Variants in TRPV3 observed in about 807,000 individuals in gnomAD.
The protein encoded by TRPV3 is VRL-3.
A neutral mutation model predicts 87.1 loss-of-function variants in TRPV3; 88 were observed. The ratio of observed to expected loss-of-function variants is 1.01; its 90% CI spans 0.85 to 1.21. The LOEUF (loss-of-function observed/expected upper bound fraction) is 1.21, where lower values mean the gene tolerates loss of function less well. Among genes scored for constraint, TRPV3 ranks in the 50% most tolerant of loss-of-function variants. TRPV3 has a pLI of 0.00. For missense variants in TRPV3, 1,054 were observed against 1,030.1 expected (o/e 1.02, Z -0.32); for synonymous variants, 438 against 423.3 (o/e 1.03, Z -0.43).
At chr17:3,531,070 C>G (rs1290270015) in intron 8 of TRPV3, among the ~76,000 whole-genome samples, 1 of 142,374 alleles carries the variant, frequency 7.0e-6, no homozygotes, top group Non-Finnish European at 1.5e-5. Flanking sequence ...AAAAACAAAA[C>G]AAAACAAACA....
Position 3,513,897 on chromosome 17 carries a change from A to T in TRPV3, c.*20T>A. 1 of 1,606,316 alleles carries T rather than the reference A, an allele frequency of 6.2e-7. No homozygotes were observed. The highest frequency in any genetic ancestry group is 8.5e-7 in the Non-Finnish European group (1 of 1,173,102). Reference sequence around the variant, plus strand: ...GCAGCGCCAGACAGCGCACGCGCACACCAGCTCTGGGTTCCGCTTCTACAC... The same window carrying T: ...GCAGCGCCAGACAGCGCACGCGCACTCCAGCTCTGGGTTCCGCTTCTACAC... On this transcript the variant is annotated 3_prime_UTR_variant, in exon 18 of 18. Transcript: ENST00000576742.
rs1027660154 is a variant in TRPV3 at position 3,511,065 on chromosome 17, C to T, written c.*2852G>A. On this transcript the variant is annotated 3_prime_UTR_variant, in exon 18 of 18. Coordinates refer to ENST00000576742, the MANE Select transcript of TRPV3 (RefSeq NM_145068.4). The stretch of plus-strand genomic sequence containing the variant: ...ACTATCTGAACCTGGGAGACCCCAT[C>T]CCTGGAAAACACCTTCCCCTGAAAT... The T allele has an allele frequency of 6.6e-6, 1 of 152,256 alleles. No homozygotes were observed. Among genetic ancestry groups the T allele is most frequent in the African/African-American group, 2.4e-5 (1 of 41,466 alleles). The allele number at this position is 152,256 out of a possible 1,614,324, so 9.4% of individuals were successfully genotyped here. A position where few individuals can be genotyped will look rare whatever the true frequency, so the allele number is the denominator to read the frequency against.
At chr17:3,531,624 G>A (rs1166447205) in intron 8 of TRPV3, among the ~76,000 whole-genome samples, 1 of 152,150 alleles carries the variant, frequency 6.6e-6, no homozygotes, top group African/African-American at 2.4e-5. Flanking sequence ...CTGGGCTGGG[G>A]TGGCAGGGAC....
chr17:3,541,793 C>T (rs1381686339), intron 6 of TRPV3, among the ~76,000 whole-genome samples: 2 of 152,216 alleles, frequency 1.3e-5, no homozygotes, highest in Admixed American at 6.5e-5. Flanking sequence ...ATCATGTCGG[C>T]CTCAGGCCAA....
In TRPV3 at chr17:3,532,944, G is replaced by A. The variant is rs959797281; in HGVS notation, c.785-7C>T. ...AGGGCCAGGGGCGTCTCACCTGGGG[G>A]ATGAGCGCACTGAAGCTTGGTTCTC... On this transcript the variant is annotated splice_polypyrimidine_tract_variant and splice_region_variant and intron_variant, in intron 7 of 17. Coordinates refer to ENST00000576742, the MANE Select transcript of TRPV3 (RefSeq NM_145068.4). 4.6e-5 allele frequency: 74 copies of A among 1,613,128 alleles called. No homozygotes were observed. Among genetic ancestry groups the A allele is most frequent in the Non-Finnish European group, 6.2e-5 (73 of 1,179,684 alleles).
Position 3,555,098 on chromosome 17 carries a change from G to A in TRPV3, c.-2-246C>T, listed in dbSNP as rs1262860307. ...TAGGAGAGCCCAGCAGGGTGTCCCA[G>A]TAGAGACCACCATGCCCCTGTCCTC... On this transcript the variant is annotated intron_variant, in intron 1 of 17. Transcript: ENST00000576742. 2.0e-5 allele frequency among the ~76,000 whole-genome samples: 3 copies of A among 152,160 alleles called. No homozygotes were observed. In the South Asian group the frequency reaches 6.2e-4, roughly 32 times the overall value.
rs536565794 is a variant in TRPV3 at position 3,525,827 on chromosome 17, C to T, written c.1577+1027G>A. Among the ~76,000 whole-genome samples the T allele has an allele frequency of 1.1e-4, 17 of 152,142 alleles. No individual in the cohort carries two copies. The South Asian group carries it at 3.5e-3, about 32-fold the overall frequency. On this transcript the variant is annotated intron_variant, in intron 12 of 17. Coordinates refer to ENST00000576742, the MANE Select transcript of TRPV3 (RefSeq NM_145068.4). ...TGTAGAGAGAGGGGATTTCACCAGA[C>T]TGGTCTCAAACTCCTGACCTCAGAT...
chr17:3,528,392 G>A lies in TRPV3; in HGVS notation c.1402-266C>T, dbSNP rs4790145. Among the ~76,000 whole-genome samples, 93,781 of 151,962 alleles carry A rather than the reference G, an allele frequency of 0.62. 29,171 individuals are homozygous for A. Among genetic ancestry groups the A allele is most frequent in the East Asian group, 0.8 (4,114 of 5,158 alleles). ...CACACTCCATTGCAATAGCCTTTCC[G>A]GAACCCATCCATATCCAGGCACTCA... On this transcript the variant is annotated intron_variant, in intron 10 of 17. Transcript: ENST00000576742. This position sits in a 1 kb window ranked among gnomAD's most constrained non-coding sequence, Gnocchi z 4.2.
At position 3,542,533 on chromosome 17, in the gene TRPV3, T is replaced by C. The variant is rs548714611; in HGVS notation, c.632A>G (p.Glu211Gly). 1.2e-6 allele frequency: 2 copies of C among 1,613,812 alleles called. No individual in the cohort carries two copies. The highest frequency in any genetic ancestry group is 2.2e-5 in the South Asian group (2 of 91,044). ...TGCAGGCAGGATACCTTCATAGGCC[T>C]CCTCTGTGTACTCGGCGTTGATGAA... Reference protein sequence around the residue: ...GRFINAEYTEEAYEGQTALNI... With the variant: ...GRFINAEYTEGAYEGQTALNI... The change falls in exon 6 of 18, where the codon GAG (glutamate) becomes GGG (glycine). Residue 211 changes from glutamate (E) to glycine (G), a missense_variant. Glu to Gly is a moderately conservative substitution (Grantham distance 98, BLOSUM62 -2). Coordinates refer to ENST00000576742, the MANE Select transcript of TRPV3 (RefSeq NM_145068.4).
At position 3,524,337 on chromosome 17, in the gene TRPV3, A is replaced by G. The variant is rs1205915526; in HGVS notation, c.1604T>C (p.Leu535Pro). Residue 535 changes from leucine to proline, a missense_variant, in exon 13 of 18, where the codon CTG (leucine) becomes CCG (proline). By Grantham distance (98) the Leu-to-Pro change is moderately conservative. Coordinates refer to ENST00000576742, the MANE Select transcript of TRPV3 (RefSeq NM_145068.4). ...GGCAAACAAGTACAAGAAGACAGAC[A>G]GTATCACAAGCACAGCTTGGATAAA... ...VFFIQAVLVI[L>P]SVFLYLFAYK... The G allele has an allele frequency of 5.6e-6, 9 of 1,614,274 alleles. No homozygotes were observed. The highest frequency in any genetic ancestry group is 1.6e-4 in the Middle Eastern group (1 of 6,062).
chr17:3,547,535 C>A (rs989200432), intron 2 of TRPV3, among the ~76,000 whole-genome samples: 3 of 152,168 alleles, frequency 2.0e-5, no homozygotes, highest in Non-Finnish European at 2.9e-5. Flanking sequence ...GCAGGAGAAT[C>A]ACTTGGACCT....
intron 4 of TRPV3, among the ~76,000 whole-genome samples, chr17:3,543,994 T>G (rs1011066726): frequency 1.3e-5 from 2 of 152,010 alleles, no homozygotes; most frequent in African/African-American, 4.8e-5. Flanking sequence ...CGCGTTGATG[T>G]CTCCTTTTGT....
In TRPV3 at chr17:3,544,636, G is replaced by T; in HGVS notation, c.254C>A (p.Ser85Tyr). Residue 85 changes from serine (S) to tyrosine (Y), a missense_variant, in exon 4 of 18, where the codon TCC becomes TAC. Ser to Tyr is a moderately radical substitution (Grantham distance 144). Transcript: ENST00000576742. ...CISGNCDDMDSPQSPQDDVTE... is the reference protein window; with the variant it reads ...CISGNCDDMDYPQSPQDDVTE... ...CACATCATCCTGAGGAGACTGGGGGGAGTCCATGTCATCACAGTTACCAGA... is the reference window on the plus strand; with the variant it reads ...CACATCATCCTGAGGAGACTGGGGGTAGTCCATGTCATCACAGTTACCAGA... 6.2e-7 allele frequency: 1 copy of T among 1,609,826 alleles called. No individual in the cohort carries two copies.
intron 2 of TRPV3, chr17:3,546,683 C>T (rs1440287539): frequency 2.2e-6 from 1 of 455,512 alleles, no homozygotes; most frequent in African/African-American, 2.0e-5. Context: ...AGTCCAGATT[C>T]AAAGCTGGGC....
Position 3,514,416 on chromosome 17 carries a change from T to G in TRPV3, c.2278+177A>C, listed in dbSNP as rs535968309. ...TTCTATGGCTTAGGGCTACGCCATTTTAAAAGTTGTGCCAACTAGGGTTCT... is the reference window on the plus strand; with the variant it reads ...TTCTATGGCTTAGGGCTACGCCATTGTAAAAGTTGTGCCAACTAGGGTTCT... On this transcript the variant is annotated intron_variant, in intron 17 of 17. Transcript: ENST00000576742. 50 of 606,314 alleles carry G rather than the reference T, an allele frequency of 8.2e-5. No homozygotes were observed. In the African/African-American group the frequency reaches 8.5e-4, roughly 10 times the overall value. 37.6% of individuals were successfully genotyped at this position (606,314 alleles called of 1,614,324 possible).
intron 7 of TRPV3, among the ~76,000 whole-genome samples, chr17:3,535,244 C>CT (rs1277824430): frequency 5.0e-4 from 16 of 32,076 alleles, no homozygotes; most frequent in Admixed American, 2.0e-3. Context: ...CCCTCCCTCC[C>CT]CCTCCTTACT....
At position 3,526,924 on chromosome 17, in the gene TRPV3, T is replaced by A. The variant is rs746863904; in HGVS notation, c.1507A>T (p.Ile503Phe). ...GAGGGTCTCAGCAGGAAGATGGCAA[T>A]GCCCTAAGGCCAGGAAGGAAAGAAA... ...WAMCISVKEG[I>F]AIFLLRPSDL... The change falls in exon 12 of 18, where the codon ATT becomes TTT. Residue 503 changes from isoleucine to phenylalanine, a missense_variant. Transcript: ENST00000576742. 5.6e-6 allele frequency: 9 copies of A among 1,610,952 alleles called. No individual in the cohort carries two copies. The South Asian group carries it at 1.0e-4, about 18-fold the overall frequency.
intron 8 of TRPV3, among the ~76,000 whole-genome samples, chr17:3,532,078 G>A (rs555814364): frequency 3.9e-5 from 6 of 152,306 alleles, no homozygotes; most frequent in South Asian, 2.1e-4. Context: ...CCATGACACC[G>A]GCCCCTGAAA....
At chr17:3,524,174 C>T (rs1206437244) in intron 13 of TRPV3, 24 bp downstream of exon 13, 2 of 1,608,510 alleles carry the variant, frequency 1.2e-6, no homozygotes, top group Non-Finnish European at 1.7e-6. Context: ...GAGGGCCCTC[C>T]CGCCGGCGCA....
Sources: allele counts gnomAD v4.1 joint callset (sites outside exome capture counted in the v4.1 genomes callset), GRCh38; gene constraint gnomAD v4.1.1; non-coding constraint Gnocchi (gnomAD v3.1); transcripts MANE v1.5; gene names NCBI Gene and HGNC (gene_info 2026-07-23, HGNC 2026-07-21).